The following NEK10 variants were observed in gnomAD, a reference collection of about 807,000 sequenced individuals.
NEK10 encodes NIMA related kinase 10.
A neutral mutation model predicts 159.8 loss-of-function variants in NEK10; 122 were observed. The observed-to-expected ratio is 0.76, with a 90% confidence interval of 0.66 to 0.89. The LOEUF (loss-of-function observed/expected upper bound fraction) is 0.89, where lower values mean the gene tolerates loss of function less well. NEK10 is among the 40% of genes least tolerant of loss of function. The pLI is 0.00. For synonymous variants in NEK10, 466 were observed against 457.1 expected (o/e 1.02, Z -0.25); for missense variants, 1,342 against 1,323.1 (o/e 1.01, Z -0.22).
chr3:27,165,156 T>C (rs1416359443), intron 29 of NEK10, among the ~76,000 whole-genome samples: 1 of 152,126 alleles, frequency 6.6e-6, no homozygotes, highest in African/African-American at 2.4e-5. Context: ...ATGGTGAAAA[T>C]AAATAGTTTC....
chr3:27,135,206 C>T (rs558759843), intron 31 of NEK10, among the ~76,000 whole-genome samples: 1 of 152,204 alleles, frequency 6.6e-6, no homozygotes, highest in South Asian at 2.1e-4. Flanking sequence ...ACCGCTTGAG[C>T]CCAGGAGAGT....
rs2047387955 is a variant in NEK10 at position 27,344,144 on chromosome 3, C to T, written c.362+128G>A. The T allele has an allele frequency of 7.5e-6, 4 of 533,646 alleles. No individual in the cohort carries two copies. The East Asian group carries it at 1.2e-4, about 16-fold the overall frequency. The allele number at this position is 533,646 out of a possible 1,614,324, so 33.1% of individuals were successfully genotyped here. A position where few individuals can be genotyped will look rare whatever the true frequency, so the allele number is the denominator to read the frequency against. ...AATGAGATCATCTGTAATGCCTACT[C>T]ATTTGCCTCCTTCTTTCCTTTAATG... On this transcript the variant is annotated intron_variant, in intron 5 of 35. Transcript: ENST00000691995.
Position 27,346,218 on chromosome 3 carries a change from T to C in NEK10, c.133-2A>G, listed in dbSNP as rs1287328054. 1 of 1,613,486 alleles carries C rather than the reference T, an allele frequency of 6.2e-7. No individual in the cohort carries two copies. ...ACTATCGAAGTTAATGGCTGGAAGC[T>C]ACAGAAATAGAAGCATAGAGTACAT... is the stretch of plus-strand genomic sequence containing the variant. On this transcript the variant is annotated splice_acceptor_variant, in intron 3 of 35. Coordinates refer to ENST00000691995, the MANE Select transcript of NEK10 (RefSeq NM_001394966.1). LOFTEE classifies it high-confidence loss of function.
intron 1 of NEK10, among the ~76,000 whole-genome samples, chr3:27,356,847 A>C (rs536403117): frequency 6.6e-6 from 1 of 152,282 alleles, no homozygotes; most frequent in African/African-American, 2.4e-5. Flanking sequence ...ACTTCTTTGA[A>C]CTAGCTTATA....
intron 4 of NEK10, among the ~76,000 whole-genome samples, 169 bp downstream of exon 4, chr3:27,345,917 A>C (rs2047516631): frequency 6.6e-6 from 1 of 152,070 alleles, no homozygotes; most frequent in South Asian, 2.1e-4. Flanking sequence ...TGTTATTTAC[A>C]TATTATTTCT....
At chr3:27,170,887 A>C (rs1476612832) in intron 29 of NEK10, among the ~76,000 whole-genome samples, 1 of 152,068 alleles carries the variant, frequency 6.6e-6, no homozygotes, top group Non-Finnish European at 1.5e-5. Context: ...GCTCTGGTCT[A>C]TGATGCAACT....
At chr3:27,118,530 G>A (rs577112979) in intron 33 of NEK10, among the ~76,000 whole-genome samples, 6 of 152,330 alleles carry the variant, frequency 3.9e-5, no homozygotes, top group East Asian at 3.9e-4. Context: ...CACAGTACTG[G>A]CAGGCTCTGC....
chr3:27,366,388 C>T (rs1463429590), intron 1 of NEK10, among the ~76,000 whole-genome samples: 1 of 152,186 alleles, frequency 6.6e-6, no homozygotes, highest in African/African-American at 2.4e-5. Flanking sequence ...CTGCTGAAGG[C>T]CCAGGTGTTC....
At chr3:27,153,540 A>G (rs1012401806) in intron 30 of NEK10, among the ~76,000 whole-genome samples, 1 of 152,172 alleles carries the variant, frequency 6.6e-6, no homozygotes, top group African/African-American at 2.4e-5. Context: ...TCTCCAAGAT[A>G]GACCATATGA....
intron 29 of NEK10, among the ~76,000 whole-genome samples, chr3:27,168,859 A>G (rs1432620262): frequency 1.3e-5 from 2 of 152,196 alleles, no homozygotes; most frequent in African/African-American, 2.4e-5. Context: ...CATAACCCCA[A>G]GTTAAAGCTT....
At chr3:27,283,159 G>A (rs1370347885) in intron 22 of NEK10, among the ~76,000 whole-genome samples, 1 of 152,022 alleles carries the variant, frequency 6.6e-6, no homozygotes, top group Admixed American at 6.6e-5. Context: ...TGTTGTTATA[G>A]CAAATGTGTA....
chr3:27,150,149 G>GAGA (rs1391137455), intron 30 of NEK10, among the ~76,000 whole-genome samples: 2 of 152,164 alleles, frequency 1.3e-5, no homozygotes, highest in African/African-American at 4.8e-5. Flanking sequence ...AGTTTAAGGA[G>GAGA]AGAAGCCATT....
At chr3:27,190,928 C>A (rs1949054629) in intron 26 of NEK10, among the ~76,000 whole-genome samples, 1 of 152,158 alleles carries the variant, frequency 6.6e-6, no homozygotes, top group South Asian at 2.1e-4. Context: ...TGCTCCTTTA[C>A]ATAAACATAT....
chr3:27,177,417 C>A (rs144022148), intron 26 of NEK10, among the ~76,000 whole-genome samples: 2 of 151,762 alleles, frequency 1.3e-5, no homozygotes, highest in African/African-American at 4.8e-5. Context: ...TGGTGGTGGG[C>A]GCCTGTAGTC....
intron 23 of NEK10, among the ~76,000 whole-genome samples, chr3:27,221,725 C>T (rs1056297459): frequency 6.6e-6 from 1 of 152,198 alleles, no homozygotes; most frequent in Non-Finnish European, 1.5e-5. Context: ...TATGTTACAG[C>T]TTCTGGAGGG....
chr3:27,189,563 T>A (rs916434786), intron 26 of NEK10, among the ~76,000 whole-genome samples: 1 of 152,148 alleles, frequency 6.6e-6, no homozygotes, highest in Admixed American at 6.5e-5. Context: ...ATAATCATAA[T>A]ACTGCTTAAG....
intron 35 of NEK10, among the ~76,000 whole-genome samples, chr3:27,114,516 G>A (rs1940090232): frequency 6.6e-6 from 1 of 152,090 alleles, no homozygotes; most frequent in South Asian, 2.1e-4. Context: ...TTTTACTTGT[G>A]ACTCATAAGA....
At chr3:27,263,603 G>C (rs944601062) in intron 22 of NEK10, among the ~76,000 whole-genome samples, 1 of 152,188 alleles carries the variant, frequency 6.6e-6, no homozygotes, top group South Asian at 2.1e-4. Flanking sequence ...CGTGGGTATA[G>C]GACCCTCCGA....
chr3:27,167,366 A>C (rs551425892), intron 29 of NEK10, among the ~76,000 whole-genome samples: 3 of 152,204 alleles, frequency 2.0e-5, no homozygotes, highest in African/African-American at 7.2e-5. Flanking sequence ...AATTAGGCAT[A>C]GTTTGGCGCA....
Sources: gnomAD v4.1 joint callset for allele counts (sites outside exome capture counted in the v4.1 genomes callset) on GRCh38, gnomAD v4.1.1 for gene constraint, MANE v1.5 for transcripts, NCBI Gene and HGNC (gene_info 2026-07-23, HGNC 2026-07-21) for gene names.